The following C2 variants were observed in gnomAD, a reference collection of about 807,000 sequenced individuals.
C2 encodes the protein complement C2.
Under a neutral mutation model 85.2 loss-of-function variants are expected in C2, and 64 were observed. The ratio of observed to expected loss-of-function variants is 0.75; its 90% CI spans 0.61 to 0.92. The LOEUF (loss-of-function observed/expected upper bound fraction) is 0.92. Ranked by LOEUF, C2 falls within the 40% of genes least tolerant of loss-of-function variation. The probability of loss-of-function intolerance (pLI) is 0.00; values close to 1 mark genes in which losing one functional copy is unlikely to be tolerated. For synonymous variants in C2, 311 were observed against 370.8 expected (o/e 0.84, Z 1.85); for missense variants, 820 against 971.6 (o/e 0.84, Z 2.07).
chr6:31,910,565 A>G (rs2151709918), intron 1 of C2, among the ~76,000 whole-genome samples: 1 of 152,160 alleles, frequency 6.6e-6, no homozygotes, highest in African/African-American at 2.4e-5. Context: ...CAAGCACAAA[A>G]TGTATTACAT....
At chr6:31,910,319 A>G (rs1187464536) in intron 1 of C2, among the ~76,000 whole-genome samples, 1 of 150,584 alleles carries the variant, frequency 6.6e-6, no homozygotes, top group Non-Finnish European at 1.5e-5. Flanking sequence ...CTGGAGAAAT[A>G]TCTATTCAAG....
chr6:31,934,114 G>T (rs1770192943), intron 5 of C2, 52 bp from the exon 6 acceptor site: 1 of 1,605,032 alleles, frequency 6.2e-7, no homozygotes, highest in East Asian at 2.2e-5. Context: ...TGCTTGGCGA[G>T]AGCGCAGGAA....
At chr6:31,936,312 A>G (rs1007903370) in intron 7 of C2, 4 of 522,186 alleles carry the variant, frequency 7.7e-6, no homozygotes, top group South Asian at 2.0e-5. Context: ...AGTTGCCAAA[A>G]CCACACTGTC....
At chr6:31,901,463 A>AGGGTTGGGGAAACTG in intron 1 of C2, 1 of 860,764 alleles carries the variant, frequency 1.2e-6, no homozygotes, top group Non-Finnish European at 1.7e-6. Context: ...CAGTTTCCCC[A>AGGGTTGGGGAAACTG]ACCCTGGGGA....
upstream of C2, chr6:31,900,390 C>G (rs1245750530): frequency 6.5e-7 from 1 of 1,544,720 alleles, no homozygotes; most frequent in African/African-American, 1.4e-5. This position sits in a 1 kb window ranked among gnomAD's most constrained non-coding sequence, Gnocchi z 9.7. Context: ...CCCCCCGCCC[C>G]CCGGGCAGCC....
intron 3 of C2, among the ~76,000 whole-genome samples, 169 bp downstream of exon 3, chr6:31,929,086 A>C (rs765812635): frequency 3.9e-5 from 6 of 152,216 alleles, no homozygotes; most frequent in Admixed American, 6.5e-5. Context: ...ACACATCACA[A>C]GTCTGCAAGG....
chr6:31,936,003 C>A lies in C2; in HGVS notation c.930C>A (p.Asn310Lys). Reference sequence around the variant, plus strand: ...CCAAAGTCCTCATGTCTGTCCTGAACGACAACTCCCGGGATATGACTGAGG... The same window carrying A: ...CCAAAGTCCTCATGTCTGTCCTGAAAGACAACTCCCGGGATATGACTGAGG... ...SEPKVLMSVL[N>K]DNSRDMTEVI... Residue 310 changes from asparagine (N) to lysine (K), a missense_variant, in exon 7 of 18, where the codon AAC becomes AAA. Transcript: ENST00000299367. The A allele has an allele frequency of 6.2e-7, 1 of 1,613,028 alleles. No homozygotes were observed. Among genetic ancestry groups the A allele is most frequent in the Non-Finnish European group, 8.5e-7 (1 of 1,180,006 alleles).
Position 31,944,760 on chromosome 6 carries a change from A to G in C2, c.1936A>G (p.Lys646Glu), listed in dbSNP as rs1366008032. 1 of 1,613,110 alleles carries G rather than the reference A, an allele frequency of 6.2e-7. No individual in the cohort carries two copies. The change falls in exon 16 of 18, where the codon AAA becomes GAA. Residue 646 changes from lysine to glutamate, a missense_variant. By Grantham distance (56) the Lys-to-Glu change is moderately conservative. Coordinates refer to ENST00000299367, the MANE Select transcript of C2 (RefSeq NM_000063.6). The surrounding 1 kb of genome is among the most constrained non-coding windows in gnomAD (Gnocchi z 5.1). ...TSCAEVVSQEKTMFPNLTDVR... is the reference protein window; with the variant it reads ...TSCAEVVSQEETMFPNLTDVR... ...CTGTGCCGAGGTTGTCTCCCAAGAA[A>G]AAACCATGTTCCCCAACTTGACAGA...
rs991691148 is a variant in C2 at position 31,943,421 on chromosome 6, G to A, written c.1461G>A (p.Lys487=). Residue 487 remains lysine, a synonymous_variant, in exon 12 of 18, where the codon AAG becomes AAA. Transcript: ENST00000299367. This position sits in a 1 kb window ranked among gnomAD's most constrained non-coding sequence, Gnocchi z 6.4. ...RTPWHVTIKP[K]SQETCRGALI... is the part of the protein sequence containing the mutation. ...AATCACCTGTTCCCCTGCAGCCCAA[G>A]AGCCAAGAGACCTGCCGGGGGGCCC... 1.2e-6 allele frequency: 2 copies of A among 1,612,876 alleles called. No individual in the cohort carries two copies. The highest frequency in any genetic ancestry group is 2.7e-5 in the African/African-American group (2 of 74,930).
chr6:31,943,099 G>T lies in C2; in HGVS notation c.1360G>T (p.Asp454Tyr), dbSNP rs939458508. The T allele has an allele frequency of 6.2e-7, 1 of 1,612,992 alleles. No homozygotes were observed. The highest frequency in any genetic ancestry group is 8.5e-7 in the Non-Finnish European group (1 of 1,180,002). Residue 454 changes from aspartate to tyrosine, a missense_variant and splice_region_variant, in exon 10 of 18, where the codon GAT becomes TAT. Asp to Tyr is a radical substitution (Grantham distance 160, BLOSUM62 -3). Transcript: ENST00000299367. This position sits in a 1 kb window ranked among gnomAD's most constrained non-coding sequence, Gnocchi z 6.4. ...GCACCAGGTCTTTGAACATATGCTG[G>T]GTGAGTGAGCTTTGCCCTCCTTGGT... ...ALHQVFEHMLDVSKLTDTICG... is the reference protein window; with the variant it reads ...ALHQVFEHMLYVSKLTDTICG...
intron 1 of C2, among the ~76,000 whole-genome samples, chr6:31,908,132 C>T (rs922292473): frequency 2.0e-5 from 3 of 150,198 alleles, no homozygotes; most frequent in Non-Finnish European, 3.0e-5. Context: ...AGGCATGAGC[C>T]GCAGCACCCG....
chr6:31,926,990 C>T (rs574122299), upstream of C2, among the ~76,000 whole-genome samples: 1 of 152,230 alleles, frequency 6.6e-6, no homozygotes, highest in Non-Finnish European at 1.5e-5. Flanking sequence ...AGTTTTATTC[C>T]TTTGAGTAAC....
At chr6:31,900,895 C>T (rs1436843798), upstream of C2, 1 of 1,614,010 alleles carries the variant, frequency 6.2e-7, no homozygotes, top group South Asian at 1.1e-5. The surrounding 1 kb of genome is among the most constrained non-coding windows in gnomAD (Gnocchi z 9.7). Context: ...CCTCACTGAC[C>T]CCATCCTCTT....
chr6:31,944,346 C>T lies in C2; in HGVS notation c.1902+120C>T, dbSNP rs1221459158. On this transcript the variant is annotated intron_variant, in intron 15 of 17. Coordinates refer to ENST00000299367, the MANE Select transcript of C2 (RefSeq NM_000063.6). The surrounding 1 kb of genome is among the most constrained non-coding windows in gnomAD (Gnocchi z 5.1). ...ACGCGGGTCACCCCTCCTCCCAAGC[C>T]TCACAAACCTGCTAGGTGTCCCTGG... 9.3e-6 allele frequency: 7 copies of T among 748,938 alleles called. No individual in the cohort carries two copies. In the Admixed American group the frequency reaches 1.4e-4, roughly 15 times the overall value. The allele number at this position is 748,938 out of a possible 1,614,324, so 46.4% of individuals were successfully genotyped here. A position where few individuals can be genotyped will look rare whatever the true frequency, so the allele number is the denominator to read the frequency against.
At chr6:31,931,067 G>T (rs1388207280) in intron 3 of C2, among the ~76,000 whole-genome samples, 2 of 152,152 alleles carry the variant, frequency 1.3e-5, no homozygotes, top group Non-Finnish European at 2.9e-5. Context: ...GTGGTCTGTT[G>T]CTTCTGGCAT....
intron 4 of C2, 34 bp downstream of exon 4, chr6:31,933,817 G>C (rs1465540730): frequency 3.1e-6 from 5 of 1,613,614 alleles, no homozygotes; most frequent in Non-Finnish European, 4.2e-6. Flanking sequence ...GAGATTCCTC[G>C]GCACACCCGG....
At position 31,904,369 on chromosome 6, in the gene C2, A is replaced by C. The variant is rs1767577816; in HGVS notation, c.73+3230A>C. Among the ~76,000 whole-genome samples, 1 of 152,044 alleles carries C rather than the reference A, an allele frequency of 6.6e-6. No individual in the cohort carries two copies. The highest frequency in any genetic ancestry group is 1.5e-5 in the Non-Finnish European group (1 of 68,030). ...GCTCTTGTCACCCAGGCTGGAGTGCAATAGCACGATCTTGGCTCACTGCAA... is the reference window on the plus strand; with the variant it reads ...GCTCTTGTCACCCAGGCTGGAGTGCCATAGCACGATCTTGGCTCACTGCAA... On this transcript the variant is annotated intron_variant, in intron 1 of 3. Transcript: ENST00000452202. This position sits in a 1 kb window ranked among gnomAD's most constrained non-coding sequence, Gnocchi z 4.4.
chr6:31,942,163 C>T (rs1770940686), intron 9 of C2, among the ~76,000 whole-genome samples: 1 of 149,994 alleles, frequency 6.7e-6, no homozygotes, highest in Non-Finnish European at 1.5e-5. Context: ...TCTTGTTGCC[C>T]AGGCTGGAGT....
intron 1 of C2, among the ~76,000 whole-genome samples, chr6:31,908,490 T>A (rs908310796): frequency 6.6e-6 from 1 of 151,106 alleles, no homozygotes; most frequent in Non-Finnish European, 1.5e-5. Context: ...CAATCTCTAC[T>A]AAAAACACAA....
Sources: allele counts gnomAD v4.1 joint callset (sites outside exome capture counted in the v4.1 genomes callset), GRCh38; gene constraint gnomAD v4.1.1; non-coding constraint Gnocchi (gnomAD v3.1); transcripts MANE v1.5; gene names NCBI Gene and HGNC (gene_info 2026-07-23, HGNC 2026-07-21).